DGKB: variants seen among roughly 807,000 people sequenced by gnomAD.
The protein encoded by DGKB is 90 kDa diacylglycerol kinase.
A neutral mutation model predicts 114.3 loss-of-function variants in DGKB; 67 were observed. The ratio of observed to expected loss-of-function variants is 0.59; its 90% confidence interval spans 0.48 to 0.72. The LOEUF (loss-of-function observed/expected upper bound fraction) is 0.72. DGKB is among the 30% of genes least tolerant of loss of function. The pLI is 0.00. For missense variants in DGKB, 907 were observed against 975.2 expected, an observed-to-expected ratio of 0.93 and a Z score of 0.93; for synonymous variants, 398 against 323.1, an observed-to-expected ratio of 1.23 and a Z score of -2.49.
At chr7:14,504,415 T>C (rs1019323938) in intron 20 of DGKB, among the ~76,000 whole-genome samples, 2 of 152,186 alleles carry the variant, frequency 1.3e-5, no homozygotes, top group Non-Finnish European at 2.9e-5. Flanking sequence ...GACTAGCTTC[T>C]TATCCGGACT....
At chr7:14,856,396 G>T (rs2128170549) in intron 1 of DGKB, among the ~76,000 whole-genome samples, 1 of 152,150 alleles carries the variant, frequency 6.6e-6, no homozygotes, top group Non-Finnish European at 1.5e-5. Flanking sequence ...CACATTCACA[G>T]AAAACTCACC....
chr7:14,497,700 T>A (rs1785507396), intron 20 of DGKB, among the ~76,000 whole-genome samples: 1 of 151,920 alleles, frequency 6.6e-6, no homozygotes, highest in Non-Finnish European at 1.5e-5. Context: ...AGTTATTGAA[T>A]GTTGTATGTT....
intron 21 of DGKB, among the ~76,000 whole-genome samples, chr7:14,392,995 G>GTTTTTGTTTTGTTTTTTTTTTT: frequency 1.5e-4 from 9 of 60,546 alleles, no homozygotes; most frequent in Non-Finnish European, 1.4e-4. Flanking sequence ...TTTTGTTTTT[G>GTTTTTGTTTTGTTTTTTTTTTT]TTTTTTTTTT....
intron 19 of DGKB, 101 bp from the exon 20 acceptor site, chr7:14,574,473 GT>G: frequency 1.0e-6 from 1 of 958,048 alleles, no homozygotes; most frequent in African/African-American, 1.6e-5. Context: ...TATTCTAAAG[GT>G]AAATAATGAT....
In DGKB at chr7:14,785,496, C is replaced by T. The variant is rs142161281; in HGVS notation, c.71-27765G>A. Among the ~76,000 whole-genome samples the T allele has an allele frequency of 5.6e-3, 851 of 152,100 alleles. 8 individuals carry two copies. The highest frequency in any genetic ancestry group is 0.019 in the African/African-American group (804 of 41,480). ...GTGCACACATGGCATAAACCTCAAA[C>T]GTCATGACTAAATTAAATTAAATTA... On this transcript the variant is annotated intron_variant, in intron 2 of 25. Transcript: ENST00000402815.
At chr7:14,515,008 G>C (rs1788562571) in intron 20 of DGKB, among the ~76,000 whole-genome samples, 1 of 152,044 alleles carries the variant, frequency 6.6e-6, no homozygotes, top group Non-Finnish European at 1.5e-5. Flanking sequence ...GACAGAGTGA[G>C]AACCTGTCTC....
At chr7:14,311,948 C>T (rs1011481646) in intron 23 of DGKB, among the ~76,000 whole-genome samples, 2 of 152,046 alleles carry the variant, frequency 1.3e-5, no homozygotes, top group Non-Finnish European at 2.9e-5. Context: ...TGGTATATGA[C>T]AGTGGATAAC....
chr7:14,922,607 T>G (rs1784564193), intron 1 of DGKB, among the ~76,000 whole-genome samples: 1 of 152,094 alleles, frequency 6.6e-6, no homozygotes, highest in Non-Finnish European at 1.5e-5. Context: ...CATATATACT[T>G]GCTTCATTTC....
intron 2 of DGKB, among the ~76,000 whole-genome samples, chr7:14,798,239 T>G (rs1421461330): frequency 1.3e-5 from 2 of 152,182 alleles, no homozygotes; most frequent in Non-Finnish European, 2.9e-5. Flanking sequence ...AAACTGTCCT[T>G]GGCTTGAAGA....
intron 5 of DGKB, among the ~76,000 whole-genome samples, chr7:14,727,213 T>C (rs539971543): frequency 1.3e-5 from 2 of 152,184 alleles, no homozygotes; most frequent in Admixed American, 6.5e-5. Context: ...AAAGTAAAGG[T>C]GGAAAATTTG....
intron 13 of DGKB, among the ~76,000 whole-genome samples, chr7:14,640,339 G>A (rs1185457927): frequency 6.6e-6 from 1 of 152,164 alleles, no homozygotes; most frequent in Non-Finnish European, 1.5e-5. Flanking sequence ...TACGCATTGG[G>A]TGGCTCAAGG....
At chr7:14,627,867 C>T (rs922489313) in intron 14 of DGKB, among the ~76,000 whole-genome samples, 6 of 151,452 alleles carry the variant, frequency 4.0e-5, no homozygotes, top group Non-Finnish European at 8.8e-5. Context: ...CGCTTGAACC[C>T]GTGAGGCAGA....
intron 21 of DGKB, among the ~76,000 whole-genome samples, chr7:14,351,913 A>C (rs1200310098): frequency 6.6e-6 from 1 of 152,176 alleles, no homozygotes; most frequent in African/African-American, 2.4e-5. Flanking sequence ...TTTTTGGAGT[A>C]AGAGAATAAT....
At chr7:14,724,439 C>T (rs561169174) in intron 5 of DGKB, among the ~76,000 whole-genome samples, 1 of 152,214 alleles carries the variant, frequency 6.6e-6, no homozygotes, top group Admixed American at 6.5e-5. Flanking sequence ...GATGGTGATT[C>T]CTTATAAAGA....
intron 21 of DGKB, among the ~76,000 whole-genome samples, chr7:14,356,171 CTTCTT>C (rs1291034517): frequency 6.6e-6 from 1 of 151,740 alleles, no homozygotes; most frequent in Non-Finnish European, 1.5e-5. Context: ...TTCCTCTTTT[CTTCTT>C]TATTAGTCTT....
At chr7:14,308,496 A>G (rs759173100) in intron 23 of DGKB, among the ~76,000 whole-genome samples, 6 of 152,226 alleles carry the variant, frequency 3.9e-5, no homozygotes, top group Non-Finnish European at 7.3e-5. Context: ...TTTTTCTTTT[A>G]TCAGAAATAT....
At chr7:14,661,735 G>A (rs1030671630) in intron 13 of DGKB, among the ~76,000 whole-genome samples, 4 of 151,366 alleles carry the variant, frequency 2.6e-5, no homozygotes, top group African/African-American at 4.8e-5. Flanking sequence ...AAATCATGCT[G>A]CTATAAAGAC....
chr7:14,672,055 G>A (rs1365834323), intron 13 of DGKB, among the ~76,000 whole-genome samples: 2 of 151,740 alleles, frequency 1.3e-5, no homozygotes, highest in Non-Finnish European at 1.5e-5. Context: ...GTGAAATAAA[G>A]GCATTTAAAA....
intron 21 of DGKB, among the ~76,000 whole-genome samples, chr7:14,449,597 A>G (rs1831185742): frequency 6.6e-6 from 1 of 151,990 alleles, no homozygotes. Context: ...ATAACCACCT[A>G]CTACTTTCAA....
Sources: gnomAD v4.1 joint callset for allele counts (sites outside exome capture counted in the v4.1 genomes callset) on GRCh38, gnomAD v4.1.1 for gene constraint, MANE v1.5 for transcripts, NCBI Gene and HGNC (gene_info 2026-07-23, HGNC 2026-07-21) for gene names.